Variants in CNTNAP2 observed in about 807,000 individuals in gnomAD.
CNTNAP2 encodes the protein contactin associated protein 2, also known as contactin-associated protein-like 2.
A neutral mutation model predicts 155.2 loss-of-function variants in CNTNAP2; 98 were observed. The observed-to-expected ratio is 0.63, with a 90% confidence interval of 0.54 to 0.75. CNTNAP2 has a LOEUF of 0.75. Among genes scored for constraint, CNTNAP2 ranks in the 30% least tolerant of loss-of-function variants. CNTNAP2 has a pLI of 0.00. For synonymous variants in CNTNAP2, 651 were observed against 631.2 expected (o/e 1.03, Z -0.47); for missense variants, 1,727 against 1,688.1 (o/e 1.02, Z -0.40).
At chr7:147,286,974 C>T (rs1805193223) in intron 8 of CNTNAP2, among the ~76,000 whole-genome samples, 1 of 152,076 alleles carries the variant, frequency 6.6e-6, no homozygotes, top group South Asian at 2.1e-4. Flanking sequence ...GCCACTCTCT[C>T]AGTAATCTTT....
intron 1 of CNTNAP2, among the ~76,000 whole-genome samples, chr7:146,226,122 A>AT (rs1240248931): frequency 6.6e-6 from 1 of 152,158 alleles, no homozygotes; most frequent in Non-Finnish European, 1.5e-5. Flanking sequence ...TCACTGTCCG[A>AT]TTCTGTGGTG....
chr7:146,597,927 G>T (rs1020201638), intron 1 of CNTNAP2, among the ~76,000 whole-genome samples: 1 of 151,878 alleles, frequency 6.6e-6, no homozygotes, highest in Non-Finnish European at 1.5e-5. Flanking sequence ...GCATCTTTTG[G>T]CTCCTGTTTC....
intron 1 of CNTNAP2, among the ~76,000 whole-genome samples, chr7:146,550,219 T>C (rs1302441480): frequency 2.0e-5 from 3 of 151,876 alleles, no homozygotes; most frequent in Non-Finnish European, 4.4e-5. Flanking sequence ...TGTGCCCCCA[T>C]GTACCTAAGG....
chr7:147,793,069 AAG>A (rs1373952183), intron 13 of CNTNAP2, among the ~76,000 whole-genome samples: 3 of 152,254 alleles, frequency 2.0e-5, no homozygotes, highest in African/African-American at 7.2e-5. Context: ...AATGAGTTGT[AAG>A]AGTTATTTAC....
intron 3 of CNTNAP2, among the ~76,000 whole-genome samples, chr7:146,870,044 CT>C (rs1041727408): frequency 4.6e-5 from 7 of 152,032 alleles, no homozygotes; most frequent in Non-Finnish European, 1.0e-4. Flanking sequence ...CTGAAGTTTT[CT>C]TTTTTGTGTG....
intron 3 of CNTNAP2, among the ~76,000 whole-genome samples, chr7:146,906,401 T>C (rs1024603377): frequency 2.0e-5 from 3 of 152,108 alleles, no homozygotes; most frequent in Admixed American, 2.0e-4. Context: ...TAAATGTCCC[T>C]GTCTGACAGC....
chr7:147,943,870 A>G (rs1800773216), intron 14 of CNTNAP2, among the ~76,000 whole-genome samples: 1 of 151,786 alleles, frequency 6.6e-6, no homozygotes, highest in Non-Finnish European at 1.5e-5. Context: ...CATAATATTG[A>G]ACAAAAATCA....
chr7:148,012,352 C>T (rs1289158837), intron 15 of CNTNAP2, among the ~76,000 whole-genome samples: 1 of 152,212 alleles, frequency 6.6e-6, no homozygotes, highest in African/African-American at 2.4e-5. Context: ...AACCCCTAGT[C>T]TGTCATAATA....
chr7:146,288,706 T>C (rs1462627103), intron 1 of CNTNAP2, among the ~76,000 whole-genome samples: 2 of 151,786 alleles, frequency 1.3e-5, no homozygotes, highest in Non-Finnish European at 2.9e-5. Context: ...TTACAATTAC[T>C]ACTGTATTTT....
intron 12 of CNTNAP2, among the ~76,000 whole-genome samples, chr7:147,578,973 A>C (rs1800448850): frequency 6.6e-6 from 1 of 152,104 alleles, no homozygotes; most frequent in African/African-American, 2.4e-5. Flanking sequence ...ATAAATATGG[A>C]GAAAAAATTA....
intron 1 of CNTNAP2, among the ~76,000 whole-genome samples, chr7:146,178,514 T>A (rs1157075914): frequency 6.6e-6 from 1 of 152,166 alleles, no homozygotes; most frequent in Non-Finnish European, 1.5e-5. Context: ...AACATAAGCT[T>A]TGGGCATGTT....
At chr7:147,256,182 C>A (rs1804320491) in intron 8 of CNTNAP2, among the ~76,000 whole-genome samples, 1 of 151,674 alleles carries the variant, frequency 6.6e-6, no homozygotes, top group Non-Finnish European at 1.5e-5. Context: ...GCAAAGATTG[C>A]ACCTTATTTT....
chr7:147,153,637 T>G (rs1291229624), intron 8 of CNTNAP2, among the ~76,000 whole-genome samples: 2 of 152,070 alleles, frequency 1.3e-5, no homozygotes, highest in African/African-American at 2.4e-5. Flanking sequence ...CAAAAGTGAA[T>G]GACGAGAGAG....
chr7:147,978,348 A>T (rs1302957164), intron 15 of CNTNAP2, among the ~76,000 whole-genome samples: 1 of 152,118 alleles, frequency 6.6e-6, no homozygotes, highest in African/African-American at 2.4e-5. Flanking sequence ...TATTTATATC[A>T]CCATAAACCG....
chr7:147,332,428 A>C (rs189105265), intron 9 of CNTNAP2, among the ~76,000 whole-genome samples: 1 of 152,208 alleles, frequency 6.6e-6, no homozygotes, highest in African/African-American at 2.4e-5. Context: ...ATTTCTAAAA[A>C]TGCGGATATT....
intron 14 of CNTNAP2, among the ~76,000 whole-genome samples, chr7:147,935,575 G>A (rs1374310189): frequency 1.3e-5 from 2 of 152,150 alleles, no homozygotes; most frequent in African/African-American, 4.8e-5. Flanking sequence ...TGTTAAAGTA[G>A]GGCTGAGAGA....
chr7:147,334,008 G>A (rs1464141478), intron 9 of CNTNAP2, among the ~76,000 whole-genome samples: 1 of 152,152 alleles, frequency 6.6e-6, no homozygotes, highest in South Asian at 2.1e-4. Context: ...CCAAAGCCAT[G>A]AAAATCTTTC....
At chr7:148,375,317 AAAATAT>A (rs1184120229) in intron 21 of CNTNAP2, among the ~76,000 whole-genome samples, 1 of 147,914 alleles carries the variant, frequency 6.8e-6, no homozygotes, top group Admixed American at 6.8e-5. Context: ...CTATAAATAT[AAAATAT>A]AAATATATAT....
In CNTNAP2 at chr7:148,208,259, G is replaced by A. The variant is rs181877604; in HGVS notation, c.3011-9029G>A. On this transcript the variant is annotated intron_variant, in intron 18 of 23. Transcript: ENST00000361727. ...CTTTCTGCCTTTGAGTGACCATGCA[G>A]ATGCAGTGTCATTGGTCAAACTAGA... Among the ~76,000 whole-genome samples, 532 of 152,332 alleles carry A rather than the reference G, an allele frequency of 3.5e-3. 3 individuals are homozygous for A. The highest frequency in any genetic ancestry group is 6.8e-3 in the Middle Eastern group (2 of 294).
Sources: allele counts gnomAD v4.1 joint callset (sites outside exome capture counted in the v4.1 genomes callset), GRCh38; gene constraint gnomAD v4.1.1; transcripts MANE v1.5; gene names NCBI Gene and HGNC (gene_info 2026-07-23, HGNC 2026-07-21).